The following SCPEP1 variants were observed in gnomAD, a reference collection of about 807,000 sequenced individuals.
SCPEP1 encodes serine carboxypeptidase 1.
In SCPEP1, 51 loss-of-function variants were observed where a neutral mutation model predicts 63.8. The ratio of observed to expected loss-of-function variants is 0.80; its 90% CI spans 0.64 to 1.01. SCPEP1 has a LOEUF of 1.01. SCPEP1 is among the 50% of genes least tolerant of loss of function. SCPEP1 has a pLI of 0.00. For missense variants in SCPEP1, 499 were observed against 554.9 expected, an observed-to-expected ratio of 0.90 and a Z score of 1.01; for synonymous variants, 204 against 207.8, an observed-to-expected ratio of 0.98 and a Z score of 0.16.
chr17:56,999,113 T>C (rs1911662370), intron 10 of SCPEP1, among the ~76,000 whole-genome samples: 1 of 152,190 alleles, frequency 6.6e-6, no homozygotes. Flanking sequence ...TTTCTATCCA[T>C]TTGAAATTTT....
At chr17:56,980,234 T>A (rs1713171196) in intron 1 of SCPEP1, among the ~76,000 whole-genome samples, 1 of 152,090 alleles carries the variant, frequency 6.6e-6, no homozygotes. Flanking sequence ...CCTACCTCTG[T>A]CTCCTGAGTA....
chr17:57,002,017 G>A lies in SCPEP1; in HGVS notation c.1133-1G>A, dbSNP rs1233703352. 4 of 1,613,410 alleles carry A rather than the reference G, an allele frequency of 2.5e-6. No individual in the cohort carries two copies. Among genetic ancestry groups the A allele is most frequent in the Non-Finnish European group, 3.4e-6 (4 of 1,179,780 alleles). On this transcript the variant is annotated splice_acceptor_variant, in intron 11 of 12. Coordinates refer to ENST00000262288, the MANE Select transcript of SCPEP1 (RefSeq NM_021626.3). LOFTEE classifies it high-confidence loss of function. ...GCCTTTCTCTTTGTCCTTCTCACCA[G>A]GTCAGGAGGCCTGGGTGCGGAAACT...
Position 56,998,399 on chromosome 17 carries a change from C to G in SCPEP1, c.895C>G (p.Arg299Gly). 3.1e-6 allele frequency: 5 copies of G among 1,613,576 alleles called. No individual in the cohort carries two copies. Among genetic ancestry groups the G allele is most frequent in the Non-Finnish European group, 3.4e-6 (4 of 1,179,706 alleles). ...TTTGGTTTTAGTTTGTCTTTGTCAGCGCCACGTGAGACACCTACAACGAGA... is the reference window on the plus strand; with the variant it reads ...TTTGGTTTTAGTTTGTCTTTGTCAGGGCCACGTGAGACACCTACAACGAGA... ...TQSHLVCLCQRHVRHLQRDAL... is the reference protein window; with the variant it reads ...TQSHLVCLCQGHVRHLQRDAL... Residue 299 changes from arginine to glycine, a missense_variant, in exon 10 of 13, where the codon CGC becomes GGC. Physicochemically the swap from Arg to Gly is moderately radical, Grantham distance 125. Transcript: ENST00000262288.
At chr17:56,996,731 C>A (rs1597920849) in intron 8 of SCPEP1, among the ~76,000 whole-genome samples, 1 of 151,478 alleles carries the variant, frequency 6.6e-6, no homozygotes, top group Non-Finnish European at 1.5e-5. Flanking sequence ...GTTGACCAGG[C>A]CGGTCTCGAA....
intron 3 of SCPEP1, among the ~76,000 whole-genome samples, chr17:56,986,694 C>T (rs916224812): frequency 2.0e-5 from 3 of 152,076 alleles, no homozygotes; most frequent in African/African-American, 4.8e-5. Flanking sequence ...TACAGGCGCC[C>T]GCCACTGCGC....
At chr17:56,994,237 C>T (rs914658192) in intron 6 of SCPEP1, among the ~76,000 whole-genome samples, 4 of 152,216 alleles carry the variant, frequency 2.6e-5, no homozygotes, top group Non-Finnish European at 5.9e-5. Context: ...TACTTTTAAG[C>T]TAAGGAGAGA....
intron 9 of SCPEP1, chr17:56,998,138 C>G (rs1911625314): frequency 2.7e-6 from 1 of 376,608 alleles, no homozygotes; most frequent in South Asian, 2.3e-5. Flanking sequence ...TGGTGAAACC[C>G]TGTCTCTACT....
rs529328878 is a variant in SCPEP1, at chr17:56,988,593, AT to A, written c.546+304del. Among the ~76,000 whole-genome samples, 479 of 152,084 alleles carry A rather than the reference AT, an allele frequency of 3.1e-3. 5 individuals are homozygous for A. The highest frequency in any genetic ancestry group is 0.011 in the African/African-American group (465 of 41,532). ...CACACACACATATATATGTATGTGT[AT>A]CATATATTTGTATTTTATATAAATA... is the stretch of plus-strand genomic sequence containing the variant. On this transcript the variant is annotated intron_variant, in intron 5 of 12. Transcript: ENST00000262288.
At chr17:56,993,711 T>A (rs182052324) in intron 6 of SCPEP1, among the ~76,000 whole-genome samples, 5 of 152,300 alleles carry the variant, frequency 3.3e-5, no homozygotes, top group African/African-American at 9.6e-5. Context: ...CCTCCCAAAG[T>A]GCTGGGATTA....
chr17:56,993,795 G>T (rs191601703), intron 6 of SCPEP1, among the ~76,000 whole-genome samples: 29 of 152,316 alleles, frequency 1.9e-4, no homozygotes, highest in African/African-American at 6.3e-4. Context: ...TGTAAGAACA[G>T]AGTGGAGTAG....
chr17:57,005,200 G>C (rs945389733), intron 12 of SCPEP1, among the ~76,000 whole-genome samples: 1 of 152,168 alleles, frequency 6.6e-6, no homozygotes, highest in Non-Finnish European at 1.5e-5. Context: ...ACTCAAAAAG[G>C]CTGGAATTGT....
chr17:56,980,973 A>G, intron 1 of SCPEP1, 109 bp from the exon 2 acceptor site: 2 of 1,317,916 alleles, frequency 1.5e-6, no homozygotes, highest in Non-Finnish European at 2.1e-6. Flanking sequence ...TAAATTACCA[A>G]ACTATAAAAC....
chr17:56,986,409 G>A (rs532660120), intron 3 of SCPEP1, among the ~76,000 whole-genome samples: 4 of 151,946 alleles, frequency 2.6e-5, no homozygotes, highest in Non-Finnish European at 5.9e-5. Flanking sequence ...TAGGAGAGAC[G>A]GGGTTTTACC....
intron 1 of SCPEP1, among the ~76,000 whole-genome samples, chr17:56,978,645 T>C (rs994015014): frequency 6.6e-6 from 1 of 152,200 alleles, no homozygotes; most frequent in African/African-American, 2.4e-5. Context: ...GGACATTTCA[T>C]TGAGATAAGG....
intron 1 of SCPEP1, 116 bp from the exon 2 acceptor site, chr17:56,980,966 A>AT (rs1164203477): frequency 1.6e-6 from 2 of 1,264,208 alleles, no homozygotes; most frequent in African/African-American, 3.0e-5. Context: ...GGGTGGCTAA[A>AT]TTACCAAACT....
intron 9 of SCPEP1, 181 bp from the exon 10 acceptor site, chr17:56,998,204 G>A (rs768442216): frequency 2.1e-5 from 10 of 486,910 alleles, no homozygotes; most frequent in African/African-American, 1.2e-4. Context: ...CCAGCTACTC[G>A]GGAGGCTGAG....
chr17:56,992,241 A>G (rs1417865804), intron 6 of SCPEP1, among the ~76,000 whole-genome samples: 1 of 152,236 alleles, frequency 6.6e-6, no homozygotes, highest in African/African-American at 2.4e-5. Flanking sequence ...CCATATTCCC[A>G]ATAACCATTA....
intron 5 of SCPEP1, 133 bp downstream of exon 5, chr17:56,988,423 T>G: frequency 1.7e-6 from 1 of 587,324 alleles, no homozygotes; most frequent in South Asian, 3.4e-5. Flanking sequence ...TCTGTAGTAA[T>G]AACCATAAAA....
chr17:56,980,324 A>G (rs191928955), intron 1 of SCPEP1, among the ~76,000 whole-genome samples: 58 of 152,242 alleles, frequency 3.8e-4, no homozygotes, highest in African/African-American at 1.3e-3. Flanking sequence ...TATGTTGCTT[A>G]GACTGGTTTT....
Sources: gnomAD v4.1 joint callset for allele counts (sites outside exome capture counted in the v4.1 genomes callset) on GRCh38, gnomAD v4.1.1 for gene constraint, MANE v1.5 for transcripts, NCBI Gene and HGNC (gene_info 2026-07-23, HGNC 2026-07-21) for gene names.